The following MID1 variants were observed in gnomAD, a reference collection of about 807,000 sequenced individuals.
The protein encoded by MID1 is midline 1.
Under a neutral mutation model 40.4 loss-of-function variants are expected in MID1, and 7 were observed. The observed-to-expected ratio is 0.17, with a 90% CI of 0.10 to 0.33. MID1 has a LOEUF of 0.33. Ranked by LOEUF, MID1 falls within the 10% of genes least tolerant of loss-of-function variation. The pLI, the probability that MID1 is intolerant of heterozygous loss-of-function variation, is 1.00. For missense variants in MID1, 367 were observed against 558.5 expected (o/e 0.66, Z 3.46); for synonymous variants, 229 against 221.2 (o/e 1.04, Z -0.31).
intron 3 of MID1, among the ~76,000 whole-genome samples, chrX:10,515,879 G>T (rs1285188068): frequency 8.9e-6 from 1 of 112,371 alleles, no homozygotes; most frequent in Non-Finnish European, 1.9e-5. Context: ...GTGATTCCAA[G>T]TGTTTGCTTA....
chrX:10,660,882 T>C (rs1302658783), intron 1 of MID1, among the ~76,000 whole-genome samples: 4 of 112,376 alleles, frequency 3.6e-5, no homozygotes, highest in African/African-American at 1.3e-4. Flanking sequence ...TCTAATTTAA[T>C]GATCTAAGTG....
At chrX:10,490,616 T>A (rs1052226021) in intron 4 of MID1, among the ~76,000 whole-genome samples, 4 of 112,176 alleles carry the variant, frequency 3.6e-5, no homozygotes, top group Non-Finnish European at 7.5e-5. Context: ...TTAAAAAAAA[T>A]TTTTGTGTCT....
chrX:10,711,045 C>T (rs2043264247), intron 1 of MID1, among the ~76,000 whole-genome samples: 2 of 111,606 alleles, frequency 1.8e-5, no homozygotes. Flanking sequence ...CACTATGGTG[C>T]CTCCTCTTCA....
intron 1 of MID1, among the ~76,000 whole-genome samples, chrX:10,817,399 T>C (rs868292338): frequency 1.9e-4 from 21 of 111,562 alleles, no homozygotes; most frequent in Admixed American, 3.8e-4. Flanking sequence ...AAATTAGATA[T>C]GTTTATGATA....
At chrX:10,711,955 C>T (rs2043271036) in intron 1 of MID1, among the ~76,000 whole-genome samples, 1 of 112,085 alleles carries the variant, frequency 8.9e-6, no homozygotes, top group Admixed American at 9.5e-5. Flanking sequence ...AATGCTGCTA[C>T]ACAATATGCA....
intron 3 of MID1, chrX:10,506,416 C>T: frequency 1.1e-6 from 1 of 903,510 alleles, no homozygotes; most frequent in Non-Finnish European, 1.6e-6. Context: ...TGTGACTTAC[C>T]AAGACCACCT....
At chrX:10,699,287 A>C (rs896618362) in intron 1 of MID1, among the ~76,000 whole-genome samples, 1 of 112,421 alleles carries the variant, frequency 8.9e-6, no homozygotes, top group African/African-American at 3.2e-5. Context: ...TAAATTGACA[A>C]AACGTGCTGC....
chrX:10,610,327 G>A (rs989759262), intron 1 of MID1, among the ~76,000 whole-genome samples: 2 of 112,093 alleles, frequency 1.8e-5, no homozygotes. Flanking sequence ...AGATACATCC[G>A]CCCCATACAA....
intron 2 of MID1, among the ~76,000 whole-genome samples, chrX:10,537,225 G>T (rs1308286309): frequency 9.0e-6 from 1 of 110,994 alleles, no homozygotes; most frequent in African/African-American, 3.3e-5. Context: ...AAGGGGGAGA[G>T]GGCAACCAGC....
intron 1 of MID1, among the ~76,000 whole-genome samples, chrX:10,602,023 G>A (rs1038380582): frequency 4.7e-5 from 5 of 106,299 alleles, no homozygotes; most frequent in African/African-American, 1.0e-4. Context: ...TCAGCCTCCC[G>A]AGTAGCTGGG....
chrX:10,506,097 C>T, intron 3 of MID1: 2 of 816,518 alleles, frequency 2.4e-6, no homozygotes, highest in South Asian at 1.2e-4. Flanking sequence ...AATATCTTGC[C>T]CTGTTGTTGT....
At chrX:10,589,368 C>G (rs1024896714) in intron 1 of MID1, among the ~76,000 whole-genome samples, 3 of 110,982 alleles carry the variant, frequency 2.7e-5, no homozygotes, top group Non-Finnish European at 5.7e-5. Context: ...CAAACCAAGT[C>G]AAAACCAAAA....
chrX:10,716,156 T>C (rs7887264), intron 1 of MID1, among the ~76,000 whole-genome samples: 18,506 of 111,473 alleles, frequency 0.17, 2,434 homozygotes, highest in African/African-American at 0.45. Flanking sequence ...TACAAAGGAA[T>C]GCGGCTCCTC....
At chrX:10,589,976 C>T (rs866906440) in intron 1 of MID1, 68 of 110,046 alleles carry the variant, frequency 6.2e-4, no homozygotes, top group African/African-American at 2.2e-3. Context: ...GTGAGCAATT[C>T]CTGTCCCTTT....
At chrX:10,656,958 G>C (rs1490119442) in intron 1 of MID1, among the ~76,000 whole-genome samples, 2 of 110,504 alleles carry the variant, frequency 1.8e-5, no homozygotes, top group African/African-American at 6.6e-5. Context: ...ATGCCCAGTA[G>C]CCTGACATCC....
chrX:10,546,690 T>C lies in MID1; in HGVS notation c.660+20198A>G, dbSNP rs139800547. On this transcript the variant is annotated intron_variant, in intron 2 of 9. Coordinates refer to ENST00000317552, the MANE Select transcript of MID1 (RefSeq NM_000381.4). ...TTCTAGAACACTCCTTGGGAACACT[T>C]TATTTCATAAAATCCCTTAGGGCTA... is the stretch of plus-strand genomic sequence containing the variant. Among the ~76,000 whole-genome samples, 414 of 111,646 alleles carry C rather than the reference T, an allele frequency of 3.7e-3. 2 individuals are homozygous for C. Among genetic ancestry groups the C allele is most frequent in the African/African-American group, 0.013 (394 of 30,734 alleles).
chrX:10,458,566 G>C (rs1928827233), intron 8 of MID1, among the ~76,000 whole-genome samples: 2 of 111,991 alleles, frequency 1.8e-5, no homozygotes, highest in Non-Finnish European at 3.8e-5. Context: ...AGAACTCTCT[G>C]TATTATCTAT....
At chrX:10,550,263 C>A in intron 2 of MID1, among the ~76,000 whole-genome samples, 1 of 112,679 alleles carries the variant, frequency 8.9e-6, no homozygotes, top group East Asian at 2.8e-4. Flanking sequence ...ACGGCTACAC[C>A]TGGAAGGTAG....
At chrX:10,465,132 C>T (rs1376246296) in intron 7 of MID1, among the ~76,000 whole-genome samples, 2 of 98,987 alleles carry the variant, frequency 2.0e-5, no homozygotes, top group East Asian at 3.2e-4. Context: ...TGTAGTGAGC[C>T]GAGATCATGA....
Sources: gnomAD v4.1 joint callset for allele counts (sites outside exome capture counted in the v4.1 genomes callset) on GRCh38, gnomAD v4.1.1 for gene constraint, MANE v1.5 for transcripts, NCBI Gene and HGNC (gene_info 2026-07-23, HGNC 2026-07-21) for gene names.